Variants in TBL1XR1 observed in about 807,000 individuals in gnomAD.
The protein encoded by TBL1XR1 is F-box-like/WD repeat-containing protein TBL1XR1.
In TBL1XR1, 5 loss-of-function variants were observed where a neutral mutation model predicts 66.9. That is an observed-to-expected ratio of 0.07 (90% CI 0.04 to 0.16). The LOEUF (loss-of-function observed/expected upper bound fraction) is 0.16. Among genes scored for constraint, TBL1XR1 ranks in the 10% least tolerant of loss-of-function variants. The pLI is 1.00. For missense variants in TBL1XR1, 238 were observed against 623.2 expected, an observed-to-expected ratio of 0.38 and a Z score of 6.58; for synonymous variants, 210 against 206.0, an observed-to-expected ratio of 1.02 and a Z score of -0.17.
At chr3:177,044,137 G>C (rs1715995540) in intron 10 of TBL1XR1, among the ~76,000 whole-genome samples, 1 of 152,164 alleles carries the variant, frequency 6.6e-6, no homozygotes, top group Non-Finnish European at 1.5e-5. Context: ...CATCGAATCT[G>C]TGGTTTATCC....
intron 1 of TBL1XR1, among the ~76,000 whole-genome samples, chr3:177,161,269 T>C (rs1732178809): frequency 6.6e-6 from 1 of 152,188 alleles, no homozygotes; most frequent in Non-Finnish European, 1.5e-5. Flanking sequence ...CCCATGTGTT[T>C]CTTTTAGCTA....
chr3:177,122,821 A>G (rs1366481375), intron 1 of TBL1XR1, among the ~76,000 whole-genome samples: 10 of 152,150 alleles, frequency 6.6e-5, no homozygotes, highest in African/African-American at 1.2e-4. Flanking sequence ...ATACCAAACA[A>G]TGAGCATCAA....
At chr3:177,035,938 A>G (rs1307067475) in intron 12 of TBL1XR1, among the ~76,000 whole-genome samples, 3 of 152,232 alleles carry the variant, frequency 2.0e-5, no homozygotes, top group African/African-American at 7.2e-5. Context: ...CAACACCATT[A>G]GAGGGTAACT....
chr3:177,115,879 TTTCC>T (rs1449952969), intron 1 of TBL1XR1, among the ~76,000 whole-genome samples: 1 of 152,220 alleles, frequency 6.6e-6, no homozygotes, highest in African/African-American at 2.4e-5. Context: ...AAATACTTGC[TTTCC>T]TAACCTTTCT....
intron 1 of TBL1XR1, among the ~76,000 whole-genome samples, chr3:177,191,897 A>G (rs1359526078): frequency 1.3e-5 from 2 of 151,754 alleles, no homozygotes; most frequent in Admixed American, 1.3e-4. Flanking sequence ...GTTCGAGACC[A>G]GCCTGACCAA....
chr3:177,086,246 A>G (rs996915538), intron 2 of TBL1XR1, among the ~76,000 whole-genome samples: 12 of 151,912 alleles, frequency 7.9e-5, no homozygotes, highest in African/African-American at 2.2e-4. Flanking sequence ...CTTATAATCA[A>G]TAGTTTAAAA....
intron 2 of TBL1XR1, among the ~76,000 whole-genome samples, chr3:177,071,131 C>T (rs370628178): frequency 1.3e-5 from 2 of 150,014 alleles, no homozygotes; most frequent in African/African-American, 2.5e-5. Context: ...CCCAGGTTCA[C>T]GCCATTCTAC....
At chr3:177,121,989 A>T (rs1727030390) in intron 1 of TBL1XR1, among the ~76,000 whole-genome samples, 1 of 152,192 alleles carries the variant, frequency 6.6e-6, no homozygotes, top group Admixed American at 6.5e-5. Flanking sequence ...CAATCCTACA[A>T]ATAAATACAT....
At chr3:177,101,817 G>A (rs1226302758) in intron 1 of TBL1XR1, among the ~76,000 whole-genome samples, 2 of 152,128 alleles carry the variant, frequency 1.3e-5, no homozygotes, top group East Asian at 3.8e-4. Flanking sequence ...GAAACAGAAC[G>A]AATGAATGAA....
chr3:177,169,318 A>C (rs182069028), intron 1 of TBL1XR1, among the ~76,000 whole-genome samples: 1 of 152,328 alleles, frequency 6.6e-6, no homozygotes, highest in East Asian at 1.9e-4. Flanking sequence ...AAAGTGGATA[A>C]ATCTTTGAAT....
At chr3:177,062,711 A>T (rs6800192) in intron 3 of TBL1XR1, among the ~76,000 whole-genome samples, 54,307 of 152,034 alleles carry the variant, frequency 0.36, 10,021 homozygotes, top group East Asian at 0.5. Flanking sequence ...AACATACTAA[A>T]CAATTATGGA....
intron 1 of TBL1XR1, among the ~76,000 whole-genome samples, chr3:177,104,401 T>C (rs1259200653): frequency 6.6e-6 from 1 of 152,226 alleles, no homozygotes; most frequent in Non-Finnish European, 1.5e-5. Context: ...AACAACATAC[T>C]ACGCATACGT....
chr3:177,085,326 C>T (rs535529558), intron 2 of TBL1XR1, among the ~76,000 whole-genome samples: 228 of 152,348 alleles, frequency 1.5e-3, no homozygotes, highest in African/African-American at 5.4e-3. Context: ...TTAGCAAAGA[C>T]TTTGAAAACT....
At chr3:177,174,008 G>A (rs540230361) in intron 1 of TBL1XR1, among the ~76,000 whole-genome samples, 19 of 152,184 alleles carry the variant, frequency 1.2e-4, no homozygotes, top group African/African-American at 4.3e-4. Context: ...GGACTAATCC[G>A]AAATTCAAAA....
intron 1 of TBL1XR1, among the ~76,000 whole-genome samples, chr3:177,144,222 G>T (rs773418125): frequency 1.3e-5 from 2 of 151,890 alleles, no homozygotes; most frequent in Non-Finnish European, 2.9e-5. Context: ...CTCCAGCCTG[G>T]GAAACAAGAG....
chr3:177,192,807 ATCT>A (rs1336897133), intron 1 of TBL1XR1, among the ~76,000 whole-genome samples: 1 of 152,212 alleles, frequency 6.6e-6, no homozygotes. Flanking sequence ...CACTAACTGG[ATCT>A]TCTTAACTCT....
intron 2 of TBL1XR1, among the ~76,000 whole-genome samples, chr3:177,092,910 A>C (rs889727127): frequency 2.6e-5 from 4 of 152,122 alleles, no homozygotes; most frequent in Non-Finnish European, 5.9e-5. Context: ...TGAATGGATA[A>C]AGAATATGTG....
At chr3:177,071,133 C>T (rs1248507524) in intron 2 of TBL1XR1, among the ~76,000 whole-genome samples, 1 of 150,872 alleles carries the variant, frequency 6.6e-6, no homozygotes, top group African/African-American at 2.4e-5. Flanking sequence ...CAGGTTCACG[C>T]CATTCTACTG....
At chr3:177,185,713 T>C (rs1577422789) in intron 1 of TBL1XR1, among the ~76,000 whole-genome samples, 3 of 151,566 alleles carry the variant, frequency 2.0e-5, no homozygotes, top group East Asian at 3.9e-4. Flanking sequence ...TAAATAAATA[T>C]ATAAAAGAAG....
Sources: allele counts gnomAD v4.1 joint callset (sites outside exome capture counted in the v4.1 genomes callset), GRCh38; gene constraint gnomAD v4.1.1; transcripts MANE v1.5; gene names NCBI Gene and HGNC (gene_info 2026-07-23, HGNC 2026-07-21).